Variants in SNTB2 observed in about 807,000 individuals in gnomAD.
The protein encoded by SNTB2 is syntrophin beta 2, also known as beta-2-syntrophin.
In SNTB2, 34 loss-of-function variants were observed where a neutral mutation model predicts 46.2. The observed-to-expected ratio is 0.74, with a 90% CI of 0.56 to 0.98. SNTB2 has a LOEUF of 0.98. Ranked by LOEUF, SNTB2 falls within the 50% of genes least tolerant of loss-of-function variation. The pLI is 0.00. For missense variants in SNTB2, 603 were observed against 731.4 expected (o/e 0.82, Z 2.02); for synonymous variants, 290 against 312.6 (o/e 0.93, Z 0.76).
intron 1 of SNTB2, among the ~76,000 whole-genome samples, chr16:69,215,727 T>C (rs1007099888): frequency 1.3e-5 from 2 of 152,222 alleles, no homozygotes; most frequent in Non-Finnish European, 2.9e-5. Flanking sequence ...AGTCCTGGCT[T>C]GCTTTATGCG....
intron 4 of SNTB2, among the ~76,000 whole-genome samples, chr16:69,283,092 C>T (rs565698510): frequency 6.6e-6 from 1 of 152,094 alleles, no homozygotes; most frequent in Non-Finnish European, 1.5e-5. Flanking sequence ...CACAGATGCA[C>T]ACCACCATGC....
intron 1 of SNTB2, among the ~76,000 whole-genome samples, chr16:69,236,746 A>C (rs1009093342): frequency 6.6e-6 from 1 of 151,192 alleles, no homozygotes; most frequent in African/African-American, 2.4e-5. Context: ...GCATGTTGGC[A>C]GTGGAAACTG....
intron 1 of SNTB2, among the ~76,000 whole-genome samples, chr16:69,235,557 G>A (rs895081338): frequency 2.2e-4 from 34 of 151,942 alleles, no homozygotes; most frequent in African/African-American, 7.7e-4. Context: ...GAATACCTGC[G>A]AGAGTCCTAG....
In SNTB2 at chr16:69,268,240, G is replaced by A. The variant is rs139426086; in HGVS notation, c.1006-1903G>A. Among the ~76,000 whole-genome samples the A allele has an allele frequency of 2.2e-3, 338 of 152,188 alleles. 14 individuals carry two copies. The East Asian group carries it at 0.059, about 27-fold the overall frequency. On this transcript the variant is annotated intron_variant, in intron 3 of 6. Coordinates refer to ENST00000336278, the MANE Select transcript of SNTB2 (RefSeq NM_006750.4). Reference sequence around the variant, plus strand: ...GCACTTTGGGAGGCTGAGGTGGGTGGATCACCTGAGGTCAAGAGTTCGAGA... The same window carrying A: ...GCACTTTGGGAGGCTGAGGTGGGTGAATCACCTGAGGTCAAGAGTTCGAGA...
At chr16:69,188,072 G>C (rs1337516565) in intron 1 of SNTB2, among the ~76,000 whole-genome samples, 1 of 151,600 alleles carries the variant, frequency 6.6e-6, no homozygotes, top group Non-Finnish European at 1.5e-5. Flanking sequence ...GTCTCCGTTT[G>C]CCCGCTGAGA....
At chr16:69,237,841 G>A (rs1360813807) in intron 1 of SNTB2, among the ~76,000 whole-genome samples, 1 of 152,072 alleles carries the variant, frequency 6.6e-6, no homozygotes, top group Non-Finnish European at 1.5e-5. Flanking sequence ...GACCTCAGGT[G>A]ATCCTCCTGC....
intron 3 of SNTB2, among the ~76,000 whole-genome samples, chr16:69,263,649 C>G (rs886681122): frequency 1.3e-5 from 2 of 151,838 alleles, no homozygotes; most frequent in Non-Finnish European, 2.9e-5. Context: ...AACTCCTGAC[C>G]TCAAGTGATC....
chr16:69,196,163 C>T (rs114489022), intron 1 of SNTB2, among the ~76,000 whole-genome samples: 2,988 of 151,894 alleles, frequency 0.02, 104 homozygotes, highest in African/African-American at 0.068. Context: ...CACTTGAGCT[C>T]GGGAGATTGA....
chr16:69,243,355 G>T (rs1964636859), intron 1 of SNTB2, among the ~76,000 whole-genome samples: 1 of 152,150 alleles, frequency 6.6e-6, no homozygotes, highest in Non-Finnish European at 1.5e-5. Context: ...ATTCTGGATG[G>T]CTAATTAGAT....
chr16:69,200,625 T>C (rs1024649969), intron 1 of SNTB2, among the ~76,000 whole-genome samples: 3 of 152,196 alleles, frequency 2.0e-5, no homozygotes. Context: ...TAAAATTGAG[T>C]ACATGAGTTT....
chr16:69,256,037 C>A (rs1019664598), intron 2 of SNTB2, among the ~76,000 whole-genome samples: 1 of 151,486 alleles, frequency 6.6e-6, no homozygotes, highest in African/African-American at 2.4e-5. Flanking sequence ...AGTACAAAAA[C>A]TAGCCATGCG....
At chr16:69,274,295 G>A (rs1964965581) in intron 4 of SNTB2, among the ~76,000 whole-genome samples, 1 of 147,970 alleles carries the variant, frequency 6.8e-6, no homozygotes, top group Non-Finnish European at 1.5e-5. Context: ...CTGGGCAACA[G>A]AGCAAGACTC....
At chr16:69,210,106 A>C (rs1262398012) in intron 1 of SNTB2, among the ~76,000 whole-genome samples, 2 of 143,410 alleles carry the variant, frequency 1.4e-5, no homozygotes, top group African/African-American at 5.2e-5. Context: ...GCTCACCACC[A>C]TCCGCCTCCT....
At chr16:69,222,268 T>C (rs913035784) in intron 1 of SNTB2, among the ~76,000 whole-genome samples, 3 of 152,198 alleles carry the variant, frequency 2.0e-5, no homozygotes, top group Non-Finnish European at 2.9e-5. Context: ...ATGATAAGTA[T>C]AGCTTTTACA....
At chr16:69,298,940 A>C (rs904362885) in intron 5 of SNTB2, among the ~76,000 whole-genome samples, 1 of 152,086 alleles carries the variant, frequency 6.6e-6, no homozygotes, top group African/African-American at 2.4e-5. Flanking sequence ...GCCTTACACA[A>C]TTGGGGATTT....
intron 1 of SNTB2, among the ~76,000 whole-genome samples, chr16:69,188,010 C>G (rs1392015436): frequency 6.6e-6 from 1 of 152,044 alleles, no homozygotes; most frequent in African/African-American, 2.4e-5. Flanking sequence ...CACCTCGGCC[C>G]GATAAGCTGA....
chr16:69,222,562 C>T (rs538617033), intron 1 of SNTB2, among the ~76,000 whole-genome samples: 10 of 146,838 alleles, frequency 6.8e-5, no homozygotes, highest in Non-Finnish European at 3.0e-5. Flanking sequence ...CACTGCACTC[C>T]AGCCCAGGCC....
intron 1 of SNTB2, among the ~76,000 whole-genome samples, chr16:69,196,401 G>A (rs1195872800): frequency 6.7e-6 from 1 of 149,474 alleles, no homozygotes; most frequent in African/African-American, 2.5e-5. Context: ...TTGAGATGGG[G>A]TTTGGCCCTG....
chr16:69,251,676 G>T (rs1354258043), intron 2 of SNTB2, among the ~76,000 whole-genome samples: 1 of 151,912 alleles, frequency 6.6e-6, no homozygotes, highest in Non-Finnish European at 1.5e-5. Flanking sequence ...TACTCGGGAG[G>T]CTGAGGGAGG....
Sources: allele counts gnomAD v4.1 joint callset (sites outside exome capture counted in the v4.1 genomes callset), GRCh38; gene constraint gnomAD v4.1.1; transcripts MANE v1.5; gene names NCBI Gene and HGNC (gene_info 2026-07-23, HGNC 2026-07-21).